CASQ2: variants seen among roughly 807,000 people sequenced by gnomAD.
CASQ2 encodes the protein calsequestrin-2.
A neutral mutation model predicts 46.5 loss-of-function variants in CASQ2; 49 were observed. The ratio of observed to expected loss-of-function variants is 1.05; its 90% confidence interval spans 0.84 to 1.34. The LOEUF (loss-of-function observed/expected upper bound fraction) is 1.34. Among genes scored for constraint, CASQ2 ranks in the 40% most tolerant of loss-of-function variants. The pLI, the probability that CASQ2 is intolerant of heterozygous loss-of-function variation, is 0.00. For missense variants in CASQ2, 486 were observed against 481.3 expected (o/e 1.01, Z -0.09); for synonymous variants, 174 against 168.5 (o/e 1.03, Z -0.25).
At chr1:115,754,693 T>G (rs991485928) in intron 1 of CASQ2, among the ~76,000 whole-genome samples, 17 of 152,210 alleles carry the variant, frequency 1.1e-4, no homozygotes, top group Non-Finnish European at 2.4e-4. Flanking sequence ...TTCCTATACC[T>G]GGGCCTCTGA....
intron 2 of CASQ2, among the ~76,000 whole-genome samples, chr1:115,742,858 G>C (rs1648239535): frequency 6.6e-6 from 1 of 151,956 alleles, no homozygotes; most frequent in Non-Finnish European, 1.5e-5. Context: ...GTGCGATCTC[G>C]GCTCACTGCA....
At chr1:115,747,822 A>C (rs1400309587) in intron 1 of CASQ2, among the ~76,000 whole-genome samples, 8 of 152,196 alleles carry the variant, frequency 5.3e-5, no homozygotes, top group Non-Finnish European at 1.2e-4. Flanking sequence ...TTAATGCTAA[A>C]CTCACTTATT....
chr1:115,717,974 C>G, intron 7 of CASQ2, 80 bp from the exon 8 acceptor site: 1 of 983,358 alleles, frequency 1.0e-6, no homozygotes, highest in South Asian at 1.3e-5. Context: ...GACTCAGAAG[C>G]TGGAATGGGA....
chr1:115,741,458 T>C (rs905777345), intron 2 of CASQ2, among the ~76,000 whole-genome samples: 2 of 152,256 alleles, frequency 1.3e-5, no homozygotes, highest in Non-Finnish European at 2.9e-5. Context: ...TCAATCTCAC[T>C]GAACTCATGC....
chr1:115,709,122 G>A (rs1654461821), intron 8 of CASQ2, among the ~76,000 whole-genome samples: 1 of 152,360 alleles, frequency 6.6e-6, no homozygotes, highest in Middle Eastern at 3.4e-3. Context: ...GTCAATCTGT[G>A]AAAGTGAGTT....
chr1:115,759,535 A>G (rs1648870844), intron 1 of CASQ2, among the ~76,000 whole-genome samples: 1 of 152,226 alleles, frequency 6.6e-6, no homozygotes, highest in South Asian at 2.1e-4. Flanking sequence ...TGAACTTTCC[A>G]GCCACTAGAA....
intron 4 of CASQ2, among the ~76,000 whole-genome samples, chr1:115,734,733 A>C (rs1333715902): frequency 6.6e-6 from 1 of 151,870 alleles, no homozygotes; most frequent in Admixed American, 6.6e-5. Flanking sequence ...AACTTATCTT[A>C]GCATTTTCTC....
intron 1 of CASQ2, among the ~76,000 whole-genome samples, chr1:115,756,202 C>T (rs1648754600): frequency 6.6e-6 from 1 of 152,170 alleles, no homozygotes; most frequent in Non-Finnish European, 1.5e-5. Flanking sequence ...GGTGGGAGCT[C>T]CTGGAACTGG....
chr1:115,723,826 A>G (rs1448634384), intron 7 of CASQ2, among the ~76,000 whole-genome samples: 1 of 152,228 alleles, frequency 6.6e-6, no homozygotes, highest in Non-Finnish European at 1.5e-5. Context: ...GGCATGAGTC[A>G]CTATGCCTAG....
intron 6 of CASQ2, among the ~76,000 whole-genome samples, chr1:115,726,421 G>A (rs186427276): frequency 5.2e-4 from 79 of 152,326 alleles, no homozygotes; most frequent in African/African-American, 1.8e-3. Context: ...AGTTGCTACA[G>A]ACGCCATCTG....
At position 115,752,350 on chromosome 1, in the gene CASQ2, G is replaced by C. The variant is rs540512776; in HGVS notation, c.235-7438C>G. Among the ~76,000 whole-genome samples, 3 of 152,214 alleles carry C rather than the reference G, an allele frequency of 2.0e-5. No homozygotes were observed. In the East Asian group the frequency reaches 5.8e-4, roughly 29 times the overall value. On this transcript the variant is annotated intron_variant, in intron 1 of 10. Transcript: ENST00000261448. ...TGTAGCCTGTAAGCTCTATGTCCAC[G>C]TCTGTTTTTCTCCCATGCTATCTCC...
At chr1:115,717,083 A>G (rs958353484) in intron 8 of CASQ2, among the ~76,000 whole-genome samples, 1 of 152,186 alleles carries the variant, frequency 6.6e-6, no homozygotes, top group African/African-American at 2.4e-5. Flanking sequence ...TGCTCCTGCC[A>G]TGTGAGATGT....
At chr1:115,708,853 T>A (rs1428220344) in intron 8 of CASQ2, among the ~76,000 whole-genome samples, 2 of 152,192 alleles carry the variant, frequency 1.3e-5, no homozygotes, top group East Asian at 3.9e-4. Context: ...GACAGAAAAC[T>A]ATATCACAAA....
At chr1:115,724,462 C>G (rs1250687517) in intron 7 of CASQ2, among the ~76,000 whole-genome samples, 2 of 152,204 alleles carry the variant, frequency 1.3e-5, no homozygotes, top group East Asian at 3.9e-4. Flanking sequence ...CCCACTATGC[C>G]CGACTAATTA....
chr1:115,725,181 C>A (rs1448163541), intron 7 of CASQ2, among the ~76,000 whole-genome samples: 1 of 152,104 alleles, frequency 6.6e-6, no homozygotes, highest in Non-Finnish European at 1.5e-5. Flanking sequence ...ATCCTCCTGC[C>A]TCAGCCTCCC....
intron 4 of CASQ2, among the ~76,000 whole-genome samples, chr1:115,734,798 G>A (rs898084887): frequency 2.0e-5 from 3 of 152,246 alleles, no homozygotes; most frequent in Admixed American, 6.5e-5. Flanking sequence ...TATCACAGAC[G>A]TTAGTAACTG....
intron 8 of CASQ2, among the ~76,000 whole-genome samples, chr1:115,705,826 C>G (rs1030496657): frequency 1.3e-5 from 2 of 152,036 alleles, no homozygotes; most frequent in African/African-American, 4.8e-5. Flanking sequence ...CCCTCCCTCC[C>G]TCCCTATTTC....
At chr1:115,710,036 GTC>G (rs900748804) in intron 8 of CASQ2, among the ~76,000 whole-genome samples, 4 of 152,062 alleles carry the variant, frequency 2.6e-5, no homozygotes, top group African/African-American at 9.7e-5. Flanking sequence ...TAAAGATGAA[GTC>G]TCTCTGTGTT....
chr1:115,762,693 G>A (rs1219508192), intron 1 of CASQ2, among the ~76,000 whole-genome samples: 4 of 152,190 alleles, frequency 2.6e-5, no homozygotes, highest in Non-Finnish European at 5.9e-5. Context: ...TTCTATGTAA[G>A]TGTGAAGCTC....
Sources: allele counts gnomAD v4.1 joint callset (sites outside exome capture counted in the v4.1 genomes callset), GRCh38; gene constraint gnomAD v4.1.1; transcripts MANE v1.5; gene names NCBI Gene and HGNC (gene_info 2026-07-23, HGNC 2026-07-21).